ERBB4: variants seen among roughly 807,000 people sequenced by gnomAD.
ERBB4 encodes the protein receptor tyrosine-protein kinase erbB-4.
ERBB4 carries 42 observed loss-of-function variants against 158.0 expected under a neutral mutation model. That is an observed-to-expected ratio of 0.27 (90% confidence interval 0.21 to 0.34). The LOEUF (loss-of-function observed/expected upper bound fraction) is 0.34. Ranked by LOEUF, ERBB4 falls within the 10% of genes least tolerant of loss-of-function variation. The pLI is 1.00. For synonymous variants in ERBB4, 583 were observed against 558.7 expected (o/e 1.04, Z -0.61); for missense variants, 1,333 against 1,624.1 (o/e 0.82, Z 3.08).
intron 20 of ERBB4, among the ~76,000 whole-genome samples, chr2:211,557,210 G>T (rs2067258340): frequency 6.6e-6 from 1 of 152,140 alleles, no homozygotes; most frequent in South Asian, 2.1e-4. Flanking sequence ...CATGGACAAA[G>T]ATTTCATGAT....
At chr2:211,950,259 C>T (rs2080837721) in intron 2 of ERBB4, among the ~76,000 whole-genome samples, 1 of 152,110 alleles carries the variant, frequency 6.6e-6, no homozygotes, top group African/African-American at 2.4e-5. Flanking sequence ...AATAGGTGGT[C>T]CAGGTGTCAA....
intron 20 of ERBB4, among the ~76,000 whole-genome samples, chr2:211,560,655 T>C (rs1234022459): frequency 1.3e-5 from 2 of 152,190 alleles, no homozygotes; most frequent in Non-Finnish European, 2.9e-5. Flanking sequence ...TTATAAATTA[T>C]AGAAGTTCTT....
At chr2:212,147,211 TC>T (rs1301136285) in intron 1 of ERBB4, among the ~76,000 whole-genome samples, 1 of 143,910 alleles carries the variant, frequency 6.9e-6, no homozygotes, top group Non-Finnish European at 1.5e-5. Context: ...TTGCCATTTT[TC>T]CCAGGCTGGT....
intron 1 of ERBB4, among the ~76,000 whole-genome samples, chr2:212,168,600 G>A (rs1335383583): frequency 6.6e-6 from 1 of 152,136 alleles, no homozygotes. Flanking sequence ...GTACCCTGTG[G>A]AGGGAAAATT....
chr2:212,242,722 G>A (rs2084156615), intron 1 of ERBB4, among the ~76,000 whole-genome samples: 2 of 152,208 alleles, frequency 1.3e-5, no homozygotes, highest in South Asian at 4.2e-4. Flanking sequence ...AGGTGGCACA[G>A]CAGGTTGTAA....
chr2:212,536,397 A>G (rs1465719327), intron 1 of ERBB4, among the ~76,000 whole-genome samples: 1 of 152,210 alleles, frequency 6.6e-6, no homozygotes, highest in Non-Finnish European at 1.5e-5. Context: ...CAATTATACC[A>G]GGGATGCACC....
Position 211,575,466 on chromosome 2 carries a change from C to T in ERBB4, c.2302-13378G>A, listed in dbSNP as rs868420160. Among the ~76,000 whole-genome samples, 51 of 152,256 alleles carry T rather than the reference C, an allele frequency of 3.3e-4. 1 individual carries two copies. The Middle Eastern group carries it at 0.01, about 30-fold the overall frequency. On this transcript the variant is annotated intron_variant, in intron 19 of 27. Transcript: ENST00000342788. ...AAGTGCTGAATCAATATTTTTGAAA[C>T]TTAAATTTGACTTCAATAGAACAGA...
At chr2:212,249,890 T>C (rs986662113) in intron 1 of ERBB4, among the ~76,000 whole-genome samples, 12 of 152,004 alleles carry the variant, frequency 7.9e-5, no homozygotes, top group Non-Finnish European at 1.5e-4. Flanking sequence ...ATGAATATAG[T>C]AAAGAAGCTT....
chr2:212,390,241 G>A (rs2090814815), intron 1 of ERBB4, among the ~76,000 whole-genome samples: 1 of 151,658 alleles, frequency 6.6e-6, no homozygotes, highest in African/African-American at 2.4e-5. Flanking sequence ...GTTTATTAAG[G>A]ATTTGTACAT....
intron 2 of ERBB4, among the ~76,000 whole-genome samples, chr2:212,090,187 C>T (rs2078730598): frequency 6.6e-6 from 1 of 151,994 alleles, no homozygotes; most frequent in African/African-American, 2.4e-5. Context: ...TGAAAATAAA[C>T]TCTACCAAAT....
intron 1 of ERBB4, among the ~76,000 whole-genome samples, chr2:212,169,560 A>G (rs2081450880): frequency 1.3e-5 from 2 of 152,196 alleles, no homozygotes; most frequent in South Asian, 4.1e-4. Context: ...TAAAAATTCT[A>G]GAAGGAAACT....
At chr2:211,974,206 C>T (rs1251075691) in intron 2 of ERBB4, among the ~76,000 whole-genome samples, 7 of 152,132 alleles carry the variant, frequency 4.6e-5, no homozygotes. Flanking sequence ...ATGTAACAAC[C>T]TGCACTTGTA....
At position 211,925,443 on chromosome 2, in the gene ERBB4, G is replaced by A. The variant is rs184854336; in HGVS notation, c.421+21987C>T. ...TGTCCCCAGGCTGGAGTGCACTGGT[G>A]TGATCTTGGCTCACTGCAACCTCTG... On this transcript the variant is annotated intron_variant, in intron 3 of 27. Coordinates refer to ENST00000342788, the MANE Select transcript of ERBB4 (RefSeq NM_005235.3). 1.2e-4 allele frequency among the ~76,000 whole-genome samples: 15 copies of A among 129,348 alleles called. No homozygotes were observed. In the Admixed American group the frequency reaches 1.4e-3, roughly 12 times the overall value. The allele number at this position is 129,348 out of a possible 152,430, so 84.9% of individuals were successfully genotyped here.
rs2062567197 is a variant in ERBB4, at chr2:211,381,088, A to G, written c.*2527T>C. On this transcript the variant is annotated 3_prime_UTR_variant, in exon 28 of 28. Coordinates refer to ENST00000342788, the MANE Select transcript of ERBB4 (RefSeq NM_005235.3). ...TTCCTAGAGACTTCTCTGAATGGAT[A>G]GGAGAGCCCTGAGCTATTAGATTGT... The G allele has an allele frequency of 4.3e-6, 1 of 232,432 alleles. No individual in the cohort carries two copies. Among genetic ancestry groups the G allele is most frequent in the Admixed American group, 5.6e-5 (1 of 17,734 alleles). 14.4% of individuals were successfully genotyped at this position (232,432 alleles called of 1,614,324 possible). A position where few individuals can be genotyped will look rare whatever the true frequency, so the allele number is the denominator to read the frequency against.
intron 2 of ERBB4, among the ~76,000 whole-genome samples, chr2:212,003,148 GGAAA>G (rs1327750603): frequency 1.7e-3 from 26 of 15,194 alleles, no homozygotes; most frequent in South Asian, 9.0e-3. Context: ...AAGGAAGGAA[GGAAA>G]GAAAGAAAGA....
intron 1 of ERBB4, among the ~76,000 whole-genome samples, chr2:212,511,523 C>T (rs1432125708): frequency 6.6e-6 from 1 of 152,044 alleles, no homozygotes; most frequent in Admixed American, 6.6e-5. Context: ...AACTGTGTTC[C>T]TTATAATCTT....
At chr2:212,385,933 C>A (rs927490389) in intron 1 of ERBB4, among the ~76,000 whole-genome samples, 2 of 151,708 alleles carry the variant, frequency 1.3e-5, no homozygotes, top group Non-Finnish European at 2.9e-5. Flanking sequence ...CTCTGAGTTA[C>A]TAGTATTTCT....
At chr2:212,195,315 T>G (rs956561209) in intron 1 of ERBB4, among the ~76,000 whole-genome samples, 1 of 152,044 alleles carries the variant, frequency 6.6e-6, no homozygotes, top group African/African-American at 2.4e-5. Flanking sequence ...TGACAATTAC[T>G]CAAGGTGTTA....
intron 2 of ERBB4, among the ~76,000 whole-genome samples, chr2:212,055,180 C>A (rs1029956128): frequency 1.1e-4 from 17 of 152,170 alleles, no homozygotes; most frequent in Non-Finnish European, 2.9e-5. Flanking sequence ...GGTCCCACGC[C>A]CACAGAGCCT....
Sources: allele counts gnomAD v4.1 joint callset (sites outside exome capture counted in the v4.1 genomes callset), GRCh38; gene constraint gnomAD v4.1.1; transcripts MANE v1.5; gene names NCBI Gene and HGNC (gene_info 2026-07-23, HGNC 2026-07-21).